Variants in C12orf42 observed in about 807,000 individuals in gnomAD.
C12orf42 encodes the protein chromosome 12 open reading frame 42.
C12orf42 carries 25 observed loss-of-function variants against 21.6 expected under a neutral mutation model. The observed-to-expected ratio is 1.16, with a 90% CI of 0.84 to 1.62. The LOEUF is 1.62. Ranked by LOEUF, C12orf42 falls within the 40% of genes most tolerant of loss-of-function variation. The probability of loss-of-function intolerance (pLI) is 0.00; values close to 1 mark genes in which losing one functional copy is unlikely to be tolerated. For synonymous variants in C12orf42, 174 were observed against 175.0 expected (o/e 0.99, Z 0.05); for missense variants, 483 against 459.3 (o/e 1.05, Z -0.47).
chr12:103,310,042 A>T (rs376419947), intron 4 of C12orf42, among the ~76,000 whole-genome samples: 1 of 152,204 alleles, frequency 6.6e-6, no homozygotes, highest in Non-Finnish European at 1.5e-5. Flanking sequence ...CAGTTGATAT[A>T]GTTTGTATAT....
the C12orf42 span, among the ~76,000 whole-genome samples, chr12:103,509,190 ATACCCC>A: frequency 6.6e-6 from 1 of 152,198 alleles, no homozygotes. Context: ...GGGTTTCCTC[ATACCCC>A]TACTCATTTG....
chr12:103,252,252 A>G (rs2034344620), intron 10 of C12orf42, among the ~76,000 whole-genome samples: 1 of 152,198 alleles, frequency 6.6e-6, no homozygotes, highest in Non-Finnish European at 1.5e-5. Flanking sequence ...TGCAATAAAC[A>G]TATGTGTGCA....
chr12:103,048,755 C>T, the C12orf42 span, among the ~76,000 whole-genome samples: 2 of 152,142 alleles, frequency 1.3e-5, no homozygotes, highest in Non-Finnish European at 2.9e-5. Flanking sequence ...CTTCTGGATT[C>T]GCCTTGTAGC....
chr12:103,225,957 GAGA>G, the C12orf42 span, among the ~76,000 whole-genome samples: 1 of 152,198 alleles, frequency 6.6e-6, no homozygotes, highest in African/African-American at 2.4e-5. Context: ...CCGCTAAGCC[GAGA>G]AGATCTGGGA....
At chr12:103,230,322 A>G in the C12orf42 span, among the ~76,000 whole-genome samples, 2 of 152,100 alleles carry the variant, frequency 1.3e-5, no homozygotes, top group African/African-American at 4.8e-5. Flanking sequence ...TTAATGGCTG[A>G]AGGAGTCATA....
At chr12:103,527,708 C>A in the C12orf42 span, among the ~76,000 whole-genome samples, 1 of 152,298 alleles carries the variant, frequency 6.6e-6, no homozygotes, top group East Asian at 1.9e-4. Context: ...TCCTCCACAT[C>A]TCTCAGGGGG....
chr12:103,050,938 G>A, the C12orf42 span, among the ~76,000 whole-genome samples: 1 of 152,146 alleles, frequency 6.6e-6, no homozygotes, highest in Non-Finnish European at 1.5e-5. Flanking sequence ...TCCTCCTTAC[G>A]CAGCTTTCTT....
At chr12:103,405,100 T>C (rs1466644367) in intron 2 of C12orf42, among the ~76,000 whole-genome samples, 1 of 152,148 alleles carries the variant, frequency 6.6e-6, no homozygotes, top group Admixed American at 6.5e-5. Context: ...GCACATGGCA[T>C]TAGAGGTCAG....
At chr12:103,056,109 TC>T in the C12orf42 span, among the ~76,000 whole-genome samples, 4 of 152,134 alleles carry the variant, frequency 2.6e-5, no homozygotes, top group Non-Finnish European at 4.4e-5. Flanking sequence ...GTCTAGTTGT[TC>T]CATCAATTGT....
the C12orf42 span, among the ~76,000 whole-genome samples, chr12:103,180,005 G>T: frequency 1.3e-5 from 2 of 152,124 alleles, no homozygotes; most frequent in African/African-American, 2.4e-5. Flanking sequence ...TAAATAGGGA[G>T]CATGACAAAT....
chr12:103,397,504 A>T (rs935684787), intron 3 of C12orf42, among the ~76,000 whole-genome samples: 1 of 152,100 alleles, frequency 6.6e-6, no homozygotes. Context: ...AAGGTTGCAC[A>T]CTCCTTATGA....
intron 2 of C12orf42, among the ~76,000 whole-genome samples, chr12:103,414,068 A>G (rs956012957): frequency 6.6e-6 from 1 of 152,162 alleles, no homozygotes; most frequent in East Asian, 1.9e-4. Flanking sequence ...AGGAATCTCC[A>G]TATAGTTTTC....
the C12orf42 span, among the ~76,000 whole-genome samples, chr12:103,074,586 A>G: frequency 3.3e-5 from 5 of 152,330 alleles, 1 homozygote; most frequent in Admixed American, 3.3e-4. Flanking sequence ...ACTCCTATTA[A>G]GGGAAACCAA....
At chr12:103,554,836 C>T in the C12orf42 span, among the ~76,000 whole-genome samples, 374 of 152,294 alleles carry the variant, frequency 2.5e-3, 1 homozygote, top group African/African-American at 8.5e-3. Flanking sequence ...ATGATCCAGT[C>T]ACCTTCCAGC....
At chr12:103,283,485 T>G (rs926891903) in intron 4 of C12orf42, among the ~76,000 whole-genome samples, 15 of 152,210 alleles carry the variant, frequency 9.9e-5, no homozygotes, top group Admixed American at 2.0e-4. Context: ...TCAAGGCACT[T>G]GGGGTCTGGC....
At chr12:103,258,419 G>T (rs1354503292) in intron 10 of C12orf42, among the ~76,000 whole-genome samples, 3 of 151,934 alleles carry the variant, frequency 2.0e-5, no homozygotes, top group African/African-American at 7.3e-5. Context: ...GAATAAACAA[G>T]TCAAAGACAC....
At position 103,238,422 on chromosome 12, in the gene C12orf42, G is replaced by A. The variant is rs1014271042; in HGVS notation, c.*1367-520C>T. Among the ~76,000 whole-genome samples, 3 of 152,254 alleles carry A rather than the reference G, an allele frequency of 2.0e-5. No individual in the cohort carries two copies. The South Asian group carries it at 6.2e-4, about 32-fold the overall frequency. On this transcript the variant is annotated intron_variant and NMD_transcript_variant, in intron 10 of 10. Transcript: ENST00000547347. ...TTTGGCATTGCCTGAGAACTTGTTGGAAATGCAGAATCTCAGGCCTACTGT... is the reference window on the plus strand; with the variant it reads ...TTTGGCATTGCCTGAGAACTTGTTGAAAATGCAGAATCTCAGGCCTACTGT...
chr12:103,290,573 AC>A (rs1174628055), intron 4 of C12orf42, among the ~76,000 whole-genome samples: 25 of 152,298 alleles, frequency 1.6e-4, no homozygotes, highest in Admixed American at 7.2e-4. Flanking sequence ...GAAGGAAGGA[AC>A]TAACACACAA....
At chr12:103,483,329 T>G (rs1437561391) in intron 1 of C12orf42, among the ~76,000 whole-genome samples, 1 of 152,112 alleles carries the variant, frequency 6.6e-6, no homozygotes, top group East Asian at 1.9e-4. Flanking sequence ...AAGGGGTATG[T>G]GTCTACTCTA....
Sources: allele counts gnomAD v4.1 joint callset (sites outside exome capture counted in the v4.1 genomes callset), GRCh38; gene constraint gnomAD v4.1.1; transcripts MANE v1.5; gene names NCBI Gene and HGNC (gene_info 2026-07-23, HGNC 2026-07-21).